Variants in CLPB observed in about 807,000 individuals in gnomAD.
CLPB encodes ClpB family mitochondrial disaggregase, also known as mitochondrial disaggregase.
CLPB carries 40 observed loss-of-function variants against 78.4 expected under a neutral mutation model. That is an observed-to-expected ratio of 0.51 (90% CI 0.40 to 0.66). The LOEUF is 0.66. CLPB is among the 30% of genes least tolerant of loss of function. CLPB has a pLI of 0.00. For synonymous variants in CLPB, 333 were observed against 348.0 expected (o/e 0.96, Z 0.48); for missense variants, 780 against 886.9 (o/e 0.88, Z 1.53).
At chr11:72,338,231 A>AC (rs1260927421) in intron 5 of CLPB, among the ~76,000 whole-genome samples, 5 of 152,018 alleles carry the variant, frequency 3.3e-5, no homozygotes, top group Admixed American at 6.6e-5. Context: ...TCTTCCCCCT[A>AC]CCCCCCTGGT....
chr11:72,430,237 A>C, intron 2 of CLPB, 75 bp downstream of exon 2: 2 of 1,410,986 alleles, frequency 1.4e-6, no homozygotes, highest in African/African-American at 2.8e-5. Context: ...TCCAAAGCAA[A>C]GTCATCACAC....
Position 72,306,543 on chromosome 11 carries a change from C to T in CLPB, c.1122+656G>A, listed in dbSNP as rs530696967. On this transcript the variant is annotated intron_variant, in intron 9 of 15. Transcript: ENST00000538039. ...TTTCTCCCTAAAAAGTTAAACTGAG[C>T]AGGCCTTGGAAAGCCTGAGTGTGAA... is the stretch of plus-strand genomic sequence containing the variant. 4.6e-4 allele frequency among the ~76,000 whole-genome samples: 70 copies of T among 152,298 alleles called. No individual in the cohort carries two copies. In the South Asian group the frequency reaches 0.014, roughly 30 times the overall value.
At chr11:72,321,781 A>G (rs74772217) in intron 6 of CLPB, among the ~76,000 whole-genome samples, 1 of 152,226 alleles carries the variant, frequency 6.6e-6, no homozygotes. Flanking sequence ...TCTCAAGGGG[A>G]GGTCAGGCCT....
At chr11:72,417,213 A>C (rs931081348) in intron 2 of CLPB, among the ~76,000 whole-genome samples, 1 of 152,250 alleles carries the variant, frequency 6.6e-6, no homozygotes. Context: ...ATGTACATCC[A>C]ATAAAATGTA....
At chr11:72,372,545 T>C (rs1046343857) in intron 4 of CLPB, among the ~76,000 whole-genome samples, 2 of 152,190 alleles carry the variant, frequency 1.3e-5, no homozygotes, top group African/African-American at 2.4e-5. Context: ...ATGAGTTTTT[T>C]AAGCAGTTCA....
chr11:72,296,927 G>A (rs1949561550), intron 11 of CLPB, among the ~76,000 whole-genome samples: 1 of 152,196 alleles, frequency 6.6e-6, no homozygotes. Flanking sequence ...TACAGTAGAG[G>A]CGAGACTTGA....
chr11:72,288,762 C>T lies in CLPB; in HGVS notation c.*4605G>A, dbSNP rs1462610337. The stretch of plus-strand genomic sequence containing the variant: ...TTGGCATCTGCCCTCTTAGAACTTA[C>T]ATTCTAGTGATGAAGACACAGAACA... On this transcript the variant is annotated 3_prime_UTR_variant, in exon 16 of 16. Coordinates refer to ENST00000538039, the MANE Select transcript of CLPB (RefSeq NM_001258392.3). 1 of 152,246 alleles carries T rather than the reference C, an allele frequency of 6.6e-6. No individual in the cohort carries two copies. The highest frequency in any genetic ancestry group is 1.5e-5 in the Non-Finnish European group (1 of 68,090). 9.4% of individuals were successfully genotyped at this position (152,246 alleles called of 1,614,324 possible). A position where few individuals can be genotyped will look rare whatever the true frequency, so the allele number is the denominator to read the frequency against.
At chr11:72,408,593 G>C (rs1422519518) in intron 2 of CLPB, among the ~76,000 whole-genome samples, 1 of 151,374 alleles carries the variant, frequency 6.6e-6, no homozygotes, top group African/African-American at 2.4e-5. Context: ...CTTGAACCCA[G>C]GAGGCGGAGG....
chr11:72,341,105 C>G lies in CLPB; in HGVS notation c.776-11301G>C, dbSNP rs61893849. Among the ~76,000 whole-genome samples, 902 of 152,304 alleles carry G rather than the reference C, an allele frequency of 5.9e-3. 5 individuals carry two copies. Among genetic ancestry groups the G allele is most frequent in the Non-Finnish European group, 8.7e-3 (590 of 68,018 alleles). ...AAAGTGCTGGGATTACAGGCGTGAG[C>G]CACCGCGCCTGGCAAGTTATTTTAA... is the stretch of plus-strand genomic sequence containing the variant. On this transcript the variant is annotated intron_variant, in intron 5 of 15. Transcript: ENST00000538039.
Position 72,293,175 on chromosome 11 carries a change from G to A in CLPB, c.*192C>T. On this transcript the variant is annotated 3_prime_UTR_variant, in exon 16 of 16. Transcript: ENST00000538039. Reference sequence around the variant, plus strand: ...CAGGTTATGGGCCCACAACAAAGGGGCCAGAGTAGGGCGAAATTCCTCCTT... The same window carrying A: ...CAGGTTATGGGCCCACAACAAAGGGACCAGAGTAGGGCGAAATTCCTCCTT... 1.5e-6 allele frequency: 1 copy of A among 655,964 alleles called. No individual in the cohort carries two copies. The highest frequency in any genetic ancestry group is 2.8e-5 in the East Asian group (1 of 35,500). 40.6% of individuals were successfully genotyped at this position (655,964 alleles called of 1,614,324 possible).
At chr11:72,361,363 C>A (rs2135622746) in intron 4 of CLPB, among the ~76,000 whole-genome samples, 1 of 152,276 alleles carries the variant, frequency 6.6e-6, no homozygotes, top group East Asian at 1.9e-4. Context: ...GTCCCATGTG[C>A]AATGGCATCT....
chr11:72,293,889 G>A, intron 15 of CLPB, 133 bp downstream of exon 15: 1 of 798,344 alleles, frequency 1.3e-6, no homozygotes, highest in South Asian at 1.7e-5. Context: ...GGTTCTGAAT[G>A]GGCATCCACT....
rs143450105 is a variant in CLPB, at chr11:72,419,474, T to C, written c.455+10838A>G. Among the ~76,000 whole-genome samples, 912 of 152,318 alleles carry C rather than the reference T, an allele frequency of 6.0e-3. 14 individuals carry two copies. The highest frequency in any genetic ancestry group is 0.021 in the African/African-American group (872 of 41,568). ...GCCATCAGAATGGCTACTGATCATA[T>C]TGATCCCCTCTCAACCCATCTCAGC... On this transcript the variant is annotated intron_variant, in intron 2 of 15. Coordinates refer to ENST00000538039, the MANE Select transcript of CLPB (RefSeq NM_001258392.3).
chr11:72,369,280 A>G (rs528767839), intron 4 of CLPB, among the ~76,000 whole-genome samples: 25 of 152,310 alleles, frequency 1.6e-4, no homozygotes, highest in African/African-American at 5.5e-4. Context: ...TCGGTTATCT[A>G]CAGACCCATC....
chr11:72,330,023 C>A (rs1016454064), intron 5 of CLPB, among the ~76,000 whole-genome samples: 2 of 152,204 alleles, frequency 1.3e-5, no homozygotes, highest in African/African-American at 4.8e-5. Context: ...CACAAACACA[C>A]ACAGTTGAAC....
chr11:72,323,267 C>T (rs1034415975), intron 6 of CLPB, among the ~76,000 whole-genome samples: 1 of 152,184 alleles, frequency 6.6e-6, no homozygotes, highest in Non-Finnish European at 1.5e-5. Flanking sequence ...CCAACCTGCA[C>T]TTGTTAAAAT....
intron 2 of CLPB, chr11:72,411,970 C>T (rs1431420852): frequency 6.6e-6 from 1 of 152,238 alleles, no homozygotes; most frequent in Non-Finnish European, 1.5e-5. Context: ...ACAGAAGGCC[C>T]TGTTTACAGT....
chr11:72,420,614 G>C (rs965487640), intron 2 of CLPB, among the ~76,000 whole-genome samples: 1 of 152,244 alleles, frequency 6.6e-6, no homozygotes, highest in Non-Finnish European at 1.5e-5. Flanking sequence ...TGTTGTGAGG[G>C]AGAGAAGGAA....
chr11:72,342,713 T>C (rs1347289203), intron 5 of CLPB, among the ~76,000 whole-genome samples: 1 of 152,150 alleles, frequency 6.6e-6, no homozygotes, highest in East Asian at 1.9e-4. Context: ...CTCCTGCAAA[T>C]GACAGCTGAG....
Sources: gnomAD v4.1 joint callset for allele counts (sites outside exome capture counted in the v4.1 genomes callset) on GRCh38, gnomAD v4.1.1 for gene constraint, MANE v1.5 for transcripts, NCBI Gene and HGNC (gene_info 2026-07-23, HGNC 2026-07-21) for gene names.